GORAB: variants seen among roughly 807,000 people sequenced by gnomAD.
GORAB encodes the protein RAB6-interacting golgin.
GORAB carries 17 observed loss-of-function variants against 29.9 expected under a neutral mutation model. That is an observed-to-expected ratio of 0.57 (90% CI 0.39 to 0.85). GORAB has a LOEUF of 0.85. GORAB is among the 40% of genes least tolerant of loss of function. The probability of loss-of-function intolerance (pLI) is 0.00; values close to 1 mark genes in which losing one functional copy is unlikely to be tolerated. For synonymous variants in GORAB, 183 were observed against 157.2 expected, an observed-to-expected ratio of 1.16 and a Z score of -1.23; for missense variants, 442 against 437.8, an observed-to-expected ratio of 1.01 and a Z score of -0.09.
At chr1:170,543,336 A>T (rs1046380390) in intron 3 of GORAB, among the ~76,000 whole-genome samples, 3 of 152,226 alleles carry the variant, frequency 2.0e-5, no homozygotes, top group East Asian at 3.8e-4. Flanking sequence ...GTGAATAGTG[A>T]AAACTAAATG....
Position 170,553,265 on chromosome 1 carries a change from T to C in GORAB, c.*803T>C, listed in dbSNP as rs753455699. 1.2e-4 allele frequency: 52 copies of C among 448,958 alleles called. No homozygotes were observed. Among genetic ancestry groups the C allele is most frequent in the Middle Eastern group, 1.4e-3 (2 of 1,448 alleles). The allele number at this position is 448,958 out of a possible 1,614,324, so 27.8% of individuals were successfully genotyped here. A position where few individuals can be genotyped will look rare whatever the true frequency, so the allele number is the denominator to read the frequency against. On this transcript the variant is annotated 3_prime_UTR_variant, in exon 5 of 5. Coordinates refer to ENST00000367763, the MANE Select transcript of GORAB (RefSeq NM_152281.3). ...ATTATCAAAAAAAGTATGTATTTTC[T>C]TTCTAAAGTTATCTATAAATATGTT... is the stretch of plus-strand genomic sequence containing the variant.
rs1288627484 is a variant in GORAB, at chr1:170,553,805, T to A, written c.*1343T>A. 4.4e-6 allele frequency: 2 copies of A among 453,138 alleles called. No homozygotes were observed. Among genetic ancestry groups the A allele is most frequent in the Admixed American group, 2.4e-5 (1 of 42,442 alleles). The allele number at this position is 453,138 out of a possible 1,614,324, so 28.1% of individuals were successfully genotyped here. A position where few individuals can be genotyped will look rare whatever the true frequency, so the allele number is the denominator to read the frequency against. On this transcript the variant is annotated 3_prime_UTR_variant, in exon 5 of 5. Coordinates refer to ENST00000367763, the MANE Select transcript of GORAB (RefSeq NM_152281.3). ...ACAGTTTCATTGTCTAACACACTTC[T>A]TTTTCTAAGGAATAAACAAGTCTGA...
intron 3 of GORAB, among the ~76,000 whole-genome samples, chr1:170,544,392 T>G (rs375601907): frequency 1.3e-5 from 2 of 152,328 alleles, no homozygotes; most frequent in South Asian, 4.1e-4. Flanking sequence ...TGTTGAATGT[T>G]TCAATGTAAA....
Position 170,532,216 on chromosome 1 carries a change from C to T in GORAB, c.-8C>T. ...GGGCACTTTTGGGGGTGCCGGTGGC[C>T]CGGGCCGATGGCGCAAGGTTGGGCA... On this transcript the variant is annotated 5_prime_UTR_variant, in exon 1 of 5. Transcript: ENST00000367763. 6.2e-7 allele frequency: 1 copy of T among 1,614,018 alleles called. No homozygotes were observed. Among genetic ancestry groups the T allele is most frequent in the Non-Finnish European group, 8.5e-7 (1 of 1,180,006 alleles).
intron 1 of GORAB, among the ~76,000 whole-genome samples, chr1:170,538,176 T>C (rs1649172450): frequency 6.6e-6 from 1 of 152,186 alleles, no homozygotes; most frequent in African/African-American, 2.4e-5. Flanking sequence ...GAAACTAAGG[T>C]ATTGAATAAA....
chr1:170,535,743 G>C (rs1649021823), intron 1 of GORAB, among the ~76,000 whole-genome samples: 1 of 151,598 alleles, frequency 6.6e-6, no homozygotes, highest in South Asian at 2.1e-4. Flanking sequence ...TTTTCTGTAG[G>C]GATAGGATCT....
intron 1 of GORAB, chr1:170,533,791 C>T (rs1457303885): frequency 7.7e-6 from 2 of 258,564 alleles, no homozygotes; most frequent in East Asian, 1.5e-4. Flanking sequence ...GTGTGGAAAC[C>T]AAATCGCTAG....
chr1:170,544,027 AG>A (rs1176907000), intron 3 of GORAB, among the ~76,000 whole-genome samples: 3 of 152,192 alleles, frequency 2.0e-5, no homozygotes, highest in East Asian at 1.9e-4. Flanking sequence ...TCATGATTAA[AG>A]GGTTGCTTTT....
At chr1:170,541,061 G>T (rs1441455906) in intron 2 of GORAB, among the ~76,000 whole-genome samples, 1 of 151,974 alleles carries the variant, frequency 6.6e-6, no homozygotes, top group Non-Finnish European at 1.5e-5. Context: ...AAAATTAGCT[G>T]GGCGTGGTGG....
At chr1:170,547,308 A>C (rs1433334876) in intron 4 of GORAB, among the ~76,000 whole-genome samples, 1 of 152,184 alleles carries the variant, frequency 6.6e-6, no homozygotes, top group East Asian at 1.9e-4. Flanking sequence ...TGAATAGGCC[A>C]GAACTTGCTT....
At chr1:170,542,640 G>A (rs925819504) in intron 3 of GORAB, 48 bp downstream of exon 3, 2 of 1,164,244 alleles carry the variant, frequency 1.7e-6, no homozygotes, top group Non-Finnish European at 2.6e-6. Context: ...GTAACCAGTT[G>A]TGTCATGTGT....
intron 3 of GORAB, 142 bp downstream of exon 3, chr1:170,542,734 C>A: frequency 1.4e-6 from 1 of 714,028 alleles, no homozygotes. Flanking sequence ...ACAAATTATG[C>A]TTTATAAGTG....
At chr1:170,549,595 C>T (rs1232898804) in intron 4 of GORAB, among the ~76,000 whole-genome samples, 1 of 152,098 alleles carries the variant, frequency 6.6e-6, no homozygotes, top group East Asian at 1.9e-4. Flanking sequence ...GGTATTCATA[C>T]ACCTATAGAG....
In GORAB at chr1:170,553,228, T is replaced by G. The variant is rs1021987269; in HGVS notation, c.*766T>G. 12 of 439,170 alleles carry G rather than the reference T, an allele frequency of 2.7e-5. No individual in the cohort carries two copies. Among genetic ancestry groups the G allele is most frequent in the Non-Finnish European group, 4.9e-5 (11 of 222,358 alleles). 27.2% of individuals were successfully genotyped at this position (439,170 alleles called of 1,614,324 possible). ...ACTGAAAATAATATAGAAAATCTCA[T>G]TGCTACTTGTGATTATCAAAAAAAG... On this transcript the variant is annotated 3_prime_UTR_variant, in exon 5 of 5. Coordinates refer to ENST00000367763, the MANE Select transcript of GORAB (RefSeq NM_152281.3).
At chr1:170,536,396 G>A (rs1466427818) in intron 1 of GORAB, 2 of 152,094 alleles carry the variant, frequency 1.3e-5, no homozygotes, top group African/African-American at 2.4e-5. Context: ...AAGGAGCAGA[G>A]AATTACAAAT....
chr1:170,553,233 A>T lies in GORAB; in HGVS notation c.*771A>T, dbSNP rs886045557. On this transcript the variant is annotated 3_prime_UTR_variant, in exon 5 of 5. Transcript: ENST00000367763. The stretch of plus-strand genomic sequence containing the variant: ...AAATAATATAGAAAATCTCATTGCT[A>T]CTTGTGATTATCAAAAAAAGTATGT... 2.3e-6 allele frequency: 1 copy of T among 442,342 alleles called. No individual in the cohort carries two copies. Among genetic ancestry groups the T allele is most frequent in the Non-Finnish European group, 4.5e-6 (1 of 223,364 alleles). 27.4% of individuals were successfully genotyped at this position (442,342 alleles called of 1,614,324 possible).
chr1:170,544,781 T>A lies in GORAB; in HGVS notation c.598T>A (p.Ser200Thr). 2 of 1,614,130 alleles carry A rather than the reference T, an allele frequency of 1.2e-6. No homozygotes were observed. The highest frequency in any genetic ancestry group is 1.3e-5 in the African/African-American group (1 of 75,056). The change falls in exon 4 of 5, where the codon TCA becomes ACA. Residue 200 changes from serine (S) to threonine (T), a missense_variant. Coordinates refer to ENST00000367763, the MANE Select transcript of GORAB (RefSeq NM_152281.3). ...GTTGCAGGCTTTAGATGACATGGTGTCAGCTGACATTGGAATTCTCAGGAA... is the reference window on the plus strand; with the variant it reads ...GTTGCAGGCTTTAGATGACATGGTGACAGCTGACATTGGAATTCTCAGGAA... ...KELQALDDMV[S>T]ADIGILRNRI...
intron 1 of GORAB, among the ~76,000 whole-genome samples, chr1:170,534,493 A>C (rs532607716): frequency 6.6e-6 from 1 of 152,324 alleles, no homozygotes; most frequent in Non-Finnish European, 1.5e-5. Context: ...TCATATACCA[A>C]GGATCAGCTA....
chr1:170,544,771 T>A lies in GORAB; in HGVS notation c.588T>A (p.Asp196Glu). 4 of 1,614,092 alleles carry A rather than the reference T, an allele frequency of 2.5e-6. No homozygotes were observed. Among genetic ancestry groups the A allele is most frequent in the South Asian group, 1.1e-5 (1 of 91,086 alleles). ...KRIQKELQALDDMVSADIGIL... is the reference protein window; with the variant it reads ...KRIQKELQALEDMVSADIGIL... ...TCCAGAAGGAGTTGCAGGCTTTAGATGACATGGTGTCAGCTGACATTGGAA... is the reference window on the plus strand; with the variant it reads ...TCCAGAAGGAGTTGCAGGCTTTAGAAGACATGGTGTCAGCTGACATTGGAA... The change falls in exon 4 of 5, where the codon GAT (aspartate) becomes GAA (glutamate). Residue 196 changes from aspartate (D) to glutamate (E), a missense_variant. By Grantham distance (45) the Asp-to-Glu change is conservative. Transcript: ENST00000367763.
Sources: gnomAD v4.1 joint callset for allele counts (sites outside exome capture counted in the v4.1 genomes callset) on GRCh38, gnomAD v4.1.1 for gene constraint, MANE v1.5 for transcripts, NCBI Gene and HGNC (gene_info 2026-07-23, HGNC 2026-07-21) for gene names.